COA1: variants seen among roughly 807,000 people sequenced by gnomAD.
COA1 encodes the protein cytochrome c oxidase assembly factor 1 homolog.
A neutral mutation model predicts 16.0 loss-of-function variants in COA1; 13 were observed. That is an observed-to-expected ratio of 0.81 (90% CI 0.53 to 1.29). COA1 has a LOEUF of 1.29. COA1 is among the 50% of genes most tolerant of loss of function. COA1 has a pLI of 0.00. For missense variants in COA1, 179 were observed against 177.0 expected (o/e 1.01, Z -0.06); for synonymous variants, 65 against 65.7 (o/e 0.99, Z 0.05).
chr7:43,657,671 T>C, intron 1 of COA1, among the ~76,000 whole-genome samples: 1 of 151,460 alleles, frequency 6.6e-6, no homozygotes, highest in South Asian at 2.1e-4. Flanking sequence ...TCACTTCAGT[T>C]AGTAATAAGT....
At chr7:43,674,257 C>T (rs9639884) in intron 1 of COA1, among the ~76,000 whole-genome samples, 125,623 of 152,032 alleles carry the variant, frequency 0.83, 52,336 homozygotes, top group African/African-American at 0.94. Context: ...AGATTATAAA[C>T]CTTCAACACA....
intron 1 of COA1, among the ~76,000 whole-genome samples, chr7:43,725,173 G>T (rs747427018): frequency 1.7e-4 from 26 of 152,026 alleles, no homozygotes; most frequent in African/African-American, 5.6e-4. Context: ...GGGAGGTGGG[G>T]GTTGCGGTAA....
chr7:43,618,184 C>T (rs1479397593), intron 6 of COA1, among the ~76,000 whole-genome samples: 1 of 152,138 alleles, frequency 6.6e-6, no homozygotes, highest in Non-Finnish European at 1.5e-5. Context: ...ATGCTGTGTA[C>T]ACCATGCTGT....
At chr7:43,623,389 A>C (rs2084127664) in intron 6 of COA1, 1 of 574,938 alleles carries the variant, frequency 1.7e-6, no homozygotes, top group South Asian at 2.2e-5. Context: ...AAAAGTAAAC[A>C]AGTTAATTAC....
intron 1 of COA1, among the ~76,000 whole-genome samples, chr7:43,688,206 T>A (rs6463202): frequency 6.6e-6 from 1 of 151,932 alleles, no homozygotes; most frequent in Non-Finnish European, 1.5e-5. Context: ...CGGACAGGAG[T>A]ATGAAGCAGA....
downstream of COA1, among the ~76,000 whole-genome samples, chr7:43,636,951 T>C (rs1287489171): frequency 6.6e-6 from 1 of 152,200 alleles, no homozygotes; most frequent in Non-Finnish European, 1.5e-5. Flanking sequence ...CCAACCTACC[T>C]TTCCAGGCCT....
intron 1 of COA1, among the ~76,000 whole-genome samples, chr7:43,689,581 G>A (rs2094184440): frequency 6.6e-6 from 1 of 152,088 alleles, no homozygotes; most frequent in Admixed American, 6.5e-5. Flanking sequence ...AAAGCTCAGA[G>A]AATTCACTGA....
intron 1 of COA1, among the ~76,000 whole-genome samples, chr7:43,663,962 T>C (rs1584661442): frequency 6.6e-6 from 1 of 151,958 alleles, no homozygotes; most frequent in Non-Finnish European, 1.5e-5. Context: ...AAGAGAAAAA[T>C]GGATGATCCC....
chr7:43,703,875 T>C (rs1292656681), intron 1 of COA1, among the ~76,000 whole-genome samples: 1 of 152,226 alleles, frequency 6.6e-6, no homozygotes, highest in African/African-American at 2.4e-5. Flanking sequence ...TGTCATGTTA[T>C]TAGCTAGTTG....
chr7:43,624,173 A>T (rs2084237082), intron 6 of COA1, among the ~76,000 whole-genome samples: 1 of 152,222 alleles, frequency 6.6e-6, no homozygotes, highest in African/African-American at 2.4e-5. Flanking sequence ...TATTATTGCA[A>T]ATGTGTCATG....
chr7:43,649,621 G>A (rs2090345795), intron 1 of COA1: 1 of 152,192 alleles, frequency 6.6e-6, no homozygotes, highest in Admixed American at 6.5e-5. Context: ...TGGTCCTGAG[G>A]GGAATACAGA....
chr7:43,620,315 A>G (rs1165856312), intron 6 of COA1, among the ~76,000 whole-genome samples: 2 of 152,202 alleles, frequency 1.3e-5, no homozygotes, highest in African/African-American at 4.8e-5. Flanking sequence ...TAATAGTTTG[A>G]TGGTCTTTTT....
chr7:43,685,891 A>C (rs1386448589), intron 1 of COA1, among the ~76,000 whole-genome samples: 2 of 152,232 alleles, frequency 1.3e-5, no homozygotes, highest in Non-Finnish European at 2.9e-5. Context: ...AAATTTCTAT[A>C]AAATCTGATT....
intron 1 of COA1, among the ~76,000 whole-genome samples, chr7:43,686,507 C>T (rs1349582415): frequency 6.6e-6 from 1 of 151,868 alleles, no homozygotes; most frequent in Non-Finnish European, 1.5e-5. Flanking sequence ...GGGGTTTCAC[C>T]GTGGTCTCGA....
At chr7:43,687,655 T>C (rs1329647590) in intron 1 of COA1, among the ~76,000 whole-genome samples, 4 of 152,190 alleles carry the variant, frequency 2.6e-5, no homozygotes, top group Non-Finnish European at 5.9e-5. Flanking sequence ...AGTTATTCAA[T>C]AGTTAGTGAT....
At chr7:43,633,993 C>T (rs1198943342) in intron 6 of COA1, among the ~76,000 whole-genome samples, 1 of 152,108 alleles carries the variant, frequency 6.6e-6, no homozygotes, top group Non-Finnish European at 1.5e-5. Context: ...GCTGTTTAAC[C>T]CATCCAGTGA....
At chr7:43,723,477 C>A (rs559191198) in intron 1 of COA1, among the ~76,000 whole-genome samples, 1 of 152,152 alleles carries the variant, frequency 6.6e-6, no homozygotes, top group Non-Finnish European at 1.5e-5. Flanking sequence ...CACAGCACAC[C>A]AGGGTAATTG....
rs78075968 is a variant in COA1, at chr7:43,662,906, A to G, written c.-38-14254T>C. Among the ~76,000 whole-genome samples, 400 of 152,312 alleles carry G rather than the reference A, an allele frequency of 2.6e-3. 3 individuals are homozygous for G. The East Asian group carries it at 0.056, about 21-fold the overall frequency. On this transcript the variant is annotated intron_variant, in intron 1 of 5. Transcript: ENST00000223336. ...GGCCTATCTCAACTGCTCTGTTATT[A>G]CTATTTTTGTCATAAATCAAGTGCC... is the stretch of plus-strand genomic sequence containing the variant.
downstream of COA1, among the ~76,000 whole-genome samples, chr7:43,636,976 C>T (rs1478772014): frequency 6.6e-6 from 1 of 152,198 alleles, no homozygotes; most frequent in Non-Finnish European, 1.5e-5. Flanking sequence ...TTTACTTTAC[C>T]TGCGCTCATC....
Sources: allele counts gnomAD v4.1 joint callset (sites outside exome capture counted in the v4.1 genomes callset), GRCh38; gene constraint gnomAD v4.1.1; transcripts MANE v1.5; gene names NCBI Gene and HGNC (gene_info 2026-07-23, HGNC 2026-07-21).